The following CLDN1 variants were observed in gnomAD, a reference collection of about 807,000 sequenced individuals.
CLDN1 encodes claudin 1.
CLDN1 carries 12 observed loss-of-function variants against 22.6 expected under a neutral mutation model. The ratio of observed to expected loss-of-function variants is 0.53; its 90% CI spans 0.34 to 0.86. CLDN1 has a LOEUF of 0.86. CLDN1 is among the 40% of genes least tolerant of loss of function. CLDN1 has a pLI of 0.02. For missense variants in CLDN1, 250 were observed against 269.5 expected (o/e 0.93, Z 0.51); for synonymous variants, 99 against 103.8 (o/e 0.95, Z 0.28).
chr3:190,319,616 G>A (rs1204019700), intron 1 of CLDN1, among the ~76,000 whole-genome samples: 1 of 152,172 alleles, frequency 6.6e-6, no homozygotes, highest in Non-Finnish European at 1.5e-5. Context: ...GCATCTGGCC[G>A]GGAAGACAAG....
intron 1 of CLDN1, 89 bp from the exon 2 acceptor site, chr3:190,313,125 T>C: frequency 3.4e-6 from 5 of 1,482,816 alleles, no homozygotes; most frequent in South Asian, 1.1e-5. Context: ...CACTGTTGTA[T>C]GGAAGAGAGA....
In CLDN1 at chr3:190,322,283, C is replaced by G; in HGVS notation, c.-77G>C. ...AGAGTTTGCAGGTGGGCAACCCGGA[C>G]TCCCGAAGGTGGCTGGGCCCCGCGG... is the stretch of plus-strand genomic sequence containing the variant. On this transcript the variant is annotated 5_prime_UTR_variant, in exon 1 of 4. Coordinates refer to ENST00000295522, the MANE Select transcript of CLDN1 (RefSeq NM_021101.5). 7.6e-7 allele frequency: 1 copy of G among 1,311,956 alleles called. No individual in the cohort carries two copies. The highest frequency in any genetic ancestry group is 1.1e-6 in the Non-Finnish European group (1 of 922,666). The allele number at this position is 1,311,956 out of a possible 1,614,324, so 81.3% of individuals were successfully genotyped here.
rs927246180 is a variant in CLDN1, at chr3:190,308,169, A to T, written c.*108T>A. 2.2e-5 allele frequency: 28 copies of T among 1,289,836 alleles called. No homozygotes were observed. The highest frequency in any genetic ancestry group is 2.5e-4 in the Middle Eastern group (1 of 3,982). The allele number at this position is 1,289,836 out of a possible 1,614,324, so 79.9% of individuals were successfully genotyped here. On this transcript the variant is annotated 3_prime_UTR_variant, in exon 4 of 4. Coordinates refer to ENST00000295522, the MANE Select transcript of CLDN1 (RefSeq NM_021101.5). ...GTTTGTTTGTTTGTTTTGTAATACC[A>T]TACTTCAGATTACAATACCCAAAAT...
intron 2 of CLDN1, among the ~76,000 whole-genome samples, chr3:190,311,944 C>A (rs914488819): frequency 9.3e-6 from 1 of 107,144 alleles, no homozygotes; most frequent in Non-Finnish European, 1.8e-5. Context: ...ACAGATATTT[C>A]TTTTCTTTTC....
chr3:190,310,627 T>A (rs1256346838), intron 2 of CLDN1, among the ~76,000 whole-genome samples: 1 of 152,196 alleles, frequency 6.6e-6, no homozygotes, highest in East Asian at 1.9e-4. Flanking sequence ...GTAGAATTAC[T>A]TGCAAAAGGG....
intron 2 of CLDN1, among the ~76,000 whole-genome samples, chr3:190,310,603 C>G (rs544951256): frequency 2.6e-5 from 4 of 152,066 alleles, no homozygotes; most frequent in Non-Finnish European, 5.9e-5. Flanking sequence ...AAACTATTGT[C>G]ATTATTAGTA....
At position 190,307,869 on chromosome 3, in the gene CLDN1, A is replaced by G; in HGVS notation, c.*408T>C. 6.2e-6 allele frequency: 1 copy of G among 162,512 alleles called. No individual in the cohort carries two copies. The highest frequency in any genetic ancestry group is 1.8e-4 in the East Asian group (1 of 5,664). The allele number at this position is 162,512 out of a possible 1,614,324, so 10.1% of individuals were successfully genotyped here. ...TATACCAATAAACATCTTCATCAAT[A>G]TGGAATTAAATACATTTACCTATTT... On this transcript the variant is annotated 3_prime_UTR_variant, in exon 4 of 4. Coordinates refer to ENST00000295522, the MANE Select transcript of CLDN1 (RefSeq NM_021101.5).
At chr3:190,316,288 C>T (rs777178874) in intron 1 of CLDN1, among the ~76,000 whole-genome samples, 4 of 152,174 alleles carry the variant, frequency 2.6e-5, no homozygotes, top group Non-Finnish European at 4.4e-5. Context: ...CAACTATTGA[C>T]TTATACAATT....
intron 1 of CLDN1, 150 bp from the exon 2 acceptor site, chr3:190,313,186 TAACCCA>T: frequency 1.3e-6 from 1 of 784,122 alleles, no homozygotes; most frequent in Non-Finnish European, 2.1e-6. Context: ...TTTCCGCTGG[TAACCCA>T]ATATACAGTA....
rs1450074825 is a variant in CLDN1 at position 190,307,154 on chromosome 3, G to T, written c.*1123C>A. On this transcript the variant is annotated 3_prime_UTR_variant, in exon 4 of 4. Coordinates refer to ENST00000295522, the MANE Select transcript of CLDN1 (RefSeq NM_021101.5). ...TCAATTTGGCAGATAGAAAAAAGAG[G>T]TAGAAAGATTAAGTGACTTGCTTAC... is the stretch of plus-strand genomic sequence containing the variant. 1 of 152,604 alleles carries T rather than the reference G, an allele frequency of 6.6e-6. No homozygotes were observed. Among genetic ancestry groups the T allele is most frequent in the African/African-American group, 2.4e-5 (1 of 41,448 alleles). The allele number at this position is 152,604 out of a possible 1,614,324, so 9.5% of individuals were successfully genotyped here. A position where few individuals can be genotyped will look rare whatever the true frequency, so the allele number is the denominator to read the frequency against.
At chr3:190,316,325 G>A (rs1050663443) in intron 1 of CLDN1, among the ~76,000 whole-genome samples, 2 of 152,212 alleles carry the variant, frequency 1.3e-5, no homozygotes, top group African/African-American at 4.8e-5. Context: ...TATTAGATTT[G>A]CATCAAACCC....
At chr3:190,312,215 A>T (rs558446050) in intron 2 of CLDN1, among the ~76,000 whole-genome samples, 241 of 152,202 alleles carry the variant, frequency 1.6e-3, no homozygotes, top group Non-Finnish European at 2.8e-3. Flanking sequence ...ACAGGCGTGA[A>T]CCACCACACC....
intron 1 of CLDN1, among the ~76,000 whole-genome samples, chr3:190,318,358 A>T (rs1459737556): frequency 1.3e-5 from 2 of 152,204 alleles, no homozygotes; most frequent in Non-Finnish European, 2.9e-5. Flanking sequence ...AAGCTATGTG[A>T]CTTGCCTCTT....
chr3:190,317,041 G>T (rs746558055), intron 1 of CLDN1, among the ~76,000 whole-genome samples: 6 of 152,164 alleles, frequency 3.9e-5, no homozygotes, highest in Non-Finnish European at 7.4e-5. Context: ...CTAATGGAAT[G>T]ATGAGTGGCA....
chr3:190,322,096 G>T lies in CLDN1; in HGVS notation c.111C>A (p.Gly37=), dbSNP rs144861219. ...TGGCCTGGGCGGTCACGATGTTGTC[G>T]CCGGCATAGGAGTAAATCCTCCACT... ...LPQWRIYSYA[G]DNIVTAQAMY... The change falls in exon 1 of 4, where the codon GGC becomes GGA. Residue 37 remains glycine (G), a synonymous_variant. Coordinates refer to ENST00000295522, the MANE Select transcript of CLDN1 (RefSeq NM_021101.5). The T allele has an allele frequency of 2.5e-6, 4 of 1,614,184 alleles. No individual in the cohort carries two copies. The African/African-American group carries it at 4.0e-5, about 16-fold the overall frequency.
intron 1 of CLDN1, among the ~76,000 whole-genome samples, chr3:190,318,968 T>C (rs1221755953): frequency 3.3e-5 from 5 of 152,110 alleles, no homozygotes; most frequent in African/African-American, 7.2e-5. Flanking sequence ...AATTACAGAA[T>C]CTCAGGGTTC....
At chr3:190,316,022 T>C (rs1417487986) in intron 1 of CLDN1, among the ~76,000 whole-genome samples, 1 of 152,218 alleles carries the variant, frequency 6.6e-6, no homozygotes, top group African/African-American at 2.4e-5. Flanking sequence ...TTGATTCGTG[T>C]CAAATCTATC....
rs74552976 is a variant in CLDN1 at position 190,317,550 on chromosome 3, T to C, written c.223+4434A>G. On this transcript the variant is annotated intron_variant, in intron 1 of 3. Coordinates refer to ENST00000295522, the MANE Select transcript of CLDN1 (RefSeq NM_021101.5). ...TAATTTTTCTAAAGCTTGAAAGTCTTGCTACACAAGTAGTAGAATCTACTA... is the reference window on the plus strand; with the variant it reads ...TAATTTTTCTAAAGCTTGAAAGTCTCGCTACACAAGTAGTAGAATCTACTA... 8.4e-3 allele frequency among the ~76,000 whole-genome samples: 1,281 copies of C among 152,346 alleles called. 13 individuals carry two copies. The highest frequency in any genetic ancestry group is 0.021 in the South Asian group (102 of 4,830).
At chr3:190,316,030 A>G (rs1716758117) in intron 1 of CLDN1, among the ~76,000 whole-genome samples, 1 of 152,314 alleles carries the variant, frequency 6.6e-6, no homozygotes, top group East Asian at 1.9e-4. Context: ...TGTCAAATCT[A>G]TCTTGCCACT....
Sources: allele counts gnomAD v4.1 joint callset (sites outside exome capture counted in the v4.1 genomes callset), GRCh38; gene constraint gnomAD v4.1.1; transcripts MANE v1.5; gene names NCBI Gene and HGNC (gene_info 2026-07-23, HGNC 2026-07-21).